The following PRKAR1A variants were observed in gnomAD, a reference collection of about 807,000 sequenced individuals.
The protein encoded by PRKAR1A is protein kinase cAMP-dependent type I regulatory subunit alpha, also known as cAMP-dependent protein kinase type I-alpha regulatory subunit.
PRKAR1A carries 3 observed loss-of-function variants against 52.0 expected under a neutral mutation model. The observed-to-expected ratio is 0.06, with a 90% CI of 0.03 to 0.15. The LOEUF (loss-of-function observed/expected upper bound fraction) is 0.15, where lower values mean the gene tolerates loss of function less well. PRKAR1A is among the 10% of genes least tolerant of loss of function. The pLI, the probability that PRKAR1A is intolerant of heterozygous loss-of-function variation, is 1.00. For missense variants in PRKAR1A, 240 were observed against 477.4 expected (o/e 0.50, Z 4.63); for synonymous variants, 188 against 168.4 (o/e 1.12, Z -0.90).
the PRKAR1A span, chr17:68,436,563 G>C: frequency 8.0e-7 from 1 of 1,251,118 alleles, no homozygotes; most frequent in Non-Finnish European, 1.1e-6. Flanking sequence ...AAACAGTACA[G>C]CTACAGTGCC....
intron 1 of PRKAR1A, chr17:68,514,998 GC>G (rs1449158364): frequency 3.6e-6 from 1 of 279,570 alleles, no homozygotes; most frequent in Non-Finnish European, 7.0e-6. Context: ...TGACTTTTGT[GC>G]CCTGGTAATT....
At chr17:68,459,850 ATT>A in the PRKAR1A span, among the ~76,000 whole-genome samples, 20 of 147,342 alleles carry the variant, frequency 1.4e-4, no homozygotes, top group East Asian at 4.0e-4. Flanking sequence ...TCAGGTTTTA[ATT>A]TTTTTTTTTT....
chr17:68,418,925 G>A, the PRKAR1A span, among the ~76,000 whole-genome samples: 1 of 151,594 alleles, frequency 6.6e-6, no homozygotes, highest in South Asian at 2.1e-4. Context: ...TTGTAATTTT[G>A]AGGGCTATCT....
chr17:68,499,637 G>T, the PRKAR1A span, among the ~76,000 whole-genome samples: 1 of 152,236 alleles, frequency 6.6e-6, no homozygotes, highest in Non-Finnish European at 1.5e-5. Context: ...GAAAATGCAC[G>T]TTGGGTTTCT....
rs1026698510 is a variant in PRKAR1A at position 68,532,827 on chromosome 17, G to A, written c.*2378G>A. The A allele has an allele frequency of 6.6e-6, 7 of 1,066,196 alleles. No homozygotes were observed. The highest frequency in any genetic ancestry group is 4.2e-4 in the Middle Eastern group (1 of 2,400). The allele number at this position is 1,066,196 out of a possible 1,614,324, so 66.0% of individuals were successfully genotyped here. ...GTCTTTCCTCTCTCTGTCCTTCCCC[G>A]AAAGTCTACTCGGGTGGGCAAAAAT... On this transcript the variant is annotated 3_prime_UTR_variant, in exon 11 of 11. Transcript: ENST00000589228.
chr17:68,486,502 C>T, the PRKAR1A span, among the ~76,000 whole-genome samples: 881 of 43,094 alleles, frequency 0.02, 8 homozygotes, highest in East Asian at 0.054. Flanking sequence ...TCCTTCCTTC[C>T]TTCCTTCTTT....
chr17:68,468,402 G>A, the PRKAR1A span, among the ~76,000 whole-genome samples: 3 of 152,270 alleles, frequency 2.0e-5, no homozygotes, highest in Non-Finnish European at 4.4e-5. Flanking sequence ...TAAAGAACTG[G>A]AACGAAATGT....
At chr17:68,547,649 C>G (rs187807011) in intron 11 of PRKAR1A, among the ~76,000 whole-genome samples, 142 of 152,376 alleles carry the variant, frequency 9.3e-4, no homozygotes, top group African/African-American at 3.1e-3. Flanking sequence ...TCACCTGTCT[C>G]AGCCTTCATT....
At chr17:68,480,722 A>C in the PRKAR1A span, among the ~76,000 whole-genome samples, 3 of 151,878 alleles carry the variant, frequency 2.0e-5, no homozygotes, top group African/African-American at 7.3e-5. Context: ...TGATTTTTGT[A>C]ATTTTTTTGT....
At chr17:68,541,085 C>G in intron 11 of PRKAR1A, 1 of 1,443,608 alleles carries the variant, frequency 6.9e-7, no homozygotes, top group Non-Finnish European at 9.4e-7. Context: ...GTGGCAGCTT[C>G]TAAAATTCAG....
intron 11 of PRKAR1A, among the ~76,000 whole-genome samples, chr17:68,546,060 T>C (rs1419058052): frequency 2.0e-5 from 3 of 151,188 alleles, no homozygotes; most frequent in African/African-American, 7.3e-5. Flanking sequence ...TCCCAGCTAC[T>C]TGGGAGGCTG....
chr17:68,496,523 A>G, the PRKAR1A span, among the ~76,000 whole-genome samples: 29,481 of 152,194 alleles, frequency 0.19, 3,557 homozygotes, highest in African/African-American at 0.34. Flanking sequence ...CCTTAAATTC[A>G]TCTACAATAT....
chr17:68,505,394 G>A, the PRKAR1A span, among the ~76,000 whole-genome samples: 3 of 152,220 alleles, frequency 2.0e-5, no homozygotes, highest in Non-Finnish European at 4.4e-5. Context: ...GGATATTTGT[G>A]GCAGTGAATC....
At chr17:68,449,620 C>A in the PRKAR1A span, among the ~76,000 whole-genome samples, 2 of 152,178 alleles carry the variant, frequency 1.3e-5, no homozygotes, top group African/African-American at 2.4e-5. Context: ...TAGTACCCCC[C>A]ACCCGTCTCT....
the PRKAR1A span, among the ~76,000 whole-genome samples, chr17:68,491,467 C>T: frequency 1.3e-5 from 2 of 152,178 alleles, no homozygotes; most frequent in Non-Finnish European, 2.9e-5. Flanking sequence ...TTTCAGCTCA[C>T]TGCTGCAAAG....
At chr17:68,484,381 A>C in the PRKAR1A span, among the ~76,000 whole-genome samples, 8 of 151,916 alleles carry the variant, frequency 5.3e-5, no homozygotes, top group Admixed American at 3.9e-4. Flanking sequence ...TTTCATTGTT[A>C]GTAGATAGAA....
At chr17:68,464,325 C>T in the PRKAR1A span, among the ~76,000 whole-genome samples, 1 of 152,198 alleles carries the variant, frequency 6.6e-6, no homozygotes, top group Non-Finnish European at 1.5e-5. Context: ...CCTTTCCCTT[C>T]CTAGCATAAC....
chr17:68,424,379 C>T, the PRKAR1A span: 1 of 522,974 alleles, frequency 1.9e-6, no homozygotes, highest in Non-Finnish European at 3.9e-6. Flanking sequence ...TTTTCTAAGC[C>T]AAATGTGCTC....
At chr17:68,535,886 G>T (rs1182753203), downstream of PRKAR1A, 1 of 453,848 alleles carries the variant, frequency 2.2e-6, no homozygotes, top group East Asian at 6.9e-5. Flanking sequence ...GTGAAAAGAA[G>T]ACTTTGGAAT....
Sources: allele counts gnomAD v4.1 joint callset (sites outside exome capture counted in the v4.1 genomes callset), GRCh38; gene constraint gnomAD v4.1.1; transcripts MANE v1.5; gene names NCBI Gene and HGNC (gene_info 2026-07-23, HGNC 2026-07-21).